The following PRDM2 variants were observed in gnomAD, a reference collection of about 807,000 sequenced individuals.
The protein encoded by PRDM2 is PR domain zinc finger protein 2.
Under a neutral mutation model 130.0 loss-of-function variants are expected in PRDM2, and 30 were observed. That is an observed-to-expected ratio of 0.23 (90% confidence interval 0.17 to 0.31). The LOEUF (loss-of-function observed/expected upper bound fraction) is 0.31, where lower values mean the gene tolerates loss of function less well. PRDM2 is among the 10% of genes least tolerant of loss of function. The pLI, the probability that PRDM2 is intolerant of heterozygous loss-of-function variation, is 1.00. For synonymous variants in PRDM2, 871 were observed against 782.4 expected, an observed-to-expected ratio of 1.11 and a Z score of -1.89; for missense variants, 2,011 against 2,108.4, an observed-to-expected ratio of 0.95 and a Z score of 0.90.
chr1:13,783,082 T>A, intron 8 of PRDM2: 1 of 859,934 alleles, frequency 1.2e-6, no homozygotes, highest in Non-Finnish European at 1.7e-6. Flanking sequence ...AAATTGAATT[T>A]AAAACTATAG....
chr1:13,776,052 T>C (rs956988980), intron 7 of PRDM2, among the ~76,000 whole-genome samples: 2 of 152,176 alleles, frequency 1.3e-5, no homozygotes, highest in African/African-American at 4.8e-5. Context: ...TCTGTCTGCT[T>C]AGTCCTTTCT....
chr1:13,807,298 A>G (rs1645099491), intron 8 of PRDM2, among the ~76,000 whole-genome samples: 1 of 152,252 alleles, frequency 6.6e-6, no homozygotes, highest in South Asian at 2.1e-4. Context: ...CACAGAATAG[A>G]CACACCGTTC....
At chr1:13,822,231 C>G (rs1570145421) in intron 9 of PRDM2, among the ~76,000 whole-genome samples, 1 of 152,046 alleles carries the variant, frequency 6.6e-6, no homozygotes, top group African/African-American at 2.4e-5. Flanking sequence ...CATCCTACGA[C>G]CCAGCATTTC....
chr1:13,761,581 A>G (rs1210996878), intron 6 of PRDM2, among the ~76,000 whole-genome samples: 1 of 152,096 alleles, frequency 6.6e-6, no homozygotes, highest in African/African-American at 2.4e-5. Context: ...ACTTTGTAAT[A>G]ACACAGGAGT....
chr1:13,757,388 G>C (rs1643982461), intron 6 of PRDM2, among the ~76,000 whole-genome samples: 1 of 152,200 alleles, frequency 6.6e-6, no homozygotes, highest in South Asian at 2.1e-4. Flanking sequence ...AAAGAGCACA[G>C]TAAGACATTG....
At chr1:13,767,893 C>G (rs1433677645) in intron 6 of PRDM2, among the ~76,000 whole-genome samples, 1 of 151,964 alleles carries the variant, frequency 6.6e-6, no homozygotes, top group Admixed American at 6.6e-5. Context: ...GAGGGATCAC[C>G]TGAGCCCAGG....
chr1:13,774,339 C>T (rs892672143), intron 7 of PRDM2, among the ~76,000 whole-genome samples: 10 of 152,192 alleles, frequency 6.6e-5, no homozygotes, highest in African/African-American at 1.7e-4. Flanking sequence ...TTTCAGAAGA[C>T]AGGTTTGTGA....
chr1:13,787,100 T>C, intron 8 of PRDM2: 3 of 985,542 alleles, frequency 3.0e-6, no homozygotes, highest in Non-Finnish European at 3.6e-6. Context: ...ATTGCCAGCG[T>C]AATGGAGAGG....
chr1:13,810,493 TTTTC>T (rs964418654), intron 8 of PRDM2, among the ~76,000 whole-genome samples: 1 of 41,298 alleles, frequency 2.4e-5, no homozygotes, highest in African/African-American at 9.9e-5. Context: ...TTCTTTTTTC[TTTTC>T]TTTTTTTTTT....
At chr1:13,709,321 C>G (rs1013952253) in intron 1 of PRDM2, among the ~76,000 whole-genome samples, 1 of 152,096 alleles carries the variant, frequency 6.6e-6, no homozygotes, top group Admixed American at 6.5e-5. Flanking sequence ...AGATTCTAAT[C>G]GTGGAGTCTT....
intron 6 of PRDM2, among the ~76,000 whole-genome samples, chr1:13,761,455 C>T (rs542934667): frequency 3.9e-5 from 6 of 152,192 alleles, no homozygotes; most frequent in Admixed American, 6.5e-5. Context: ...AGAAATGTCC[C>T]GATGATCTGT....
chr1:13,715,426 A>G (rs774938760), intron 1 of PRDM2, 115 bp from the exon 2 acceptor site: 4 of 426,234 alleles, frequency 9.4e-6, no homozygotes, highest in Non-Finnish European at 1.7e-5. Flanking sequence ...TTGATTTGGC[A>G]TAGAGTTGCT....
At chr1:13,767,690 A>G (rs1470349878) in intron 6 of PRDM2, among the ~76,000 whole-genome samples, 2 of 152,138 alleles carry the variant, frequency 1.3e-5, no homozygotes, top group African/African-American at 4.8e-5. Flanking sequence ...AAAGTAAGGT[A>G]TGCTGCTGGA....
intron 8 of PRDM2, chr1:13,787,636 AAAAAT>A (rs1487168018): frequency 2.1e-6 from 2 of 968,438 alleles, no homozygotes; most frequent in Non-Finnish European, 2.5e-6. Context: ...GTAGCAATTT[AAAAAT>A]AAAATATTTA....
chr1:13,708,027 CAA>C (rs1057411508), intron 1 of PRDM2, among the ~76,000 whole-genome samples: 1 of 151,760 alleles, frequency 6.6e-6, no homozygotes, highest in Admixed American at 6.6e-5. Context: ...TAAATTTAAT[CAA>C]AAGTATGAGG....
At chr1:13,778,325 G>C (rs1351322242) in intron 7 of PRDM2, 93 bp from the exon 8 acceptor site, 4 of 1,281,290 alleles carry the variant, frequency 3.1e-6, no homozygotes, top group Non-Finnish European at 4.3e-6. Context: ...GTTTTAGGTG[G>C]TAAGAGAAAT....
At position 13,823,944 on chromosome 1, in the gene PRDM2, G is replaced by C. The variant is rs1036506274; in HGVS notation, c.*809G>C. The C allele has an allele frequency of 6.6e-6, 1 of 152,180 alleles. No individual in the cohort carries two copies. The highest frequency in any genetic ancestry group is 1.5e-5 in the Non-Finnish European group (1 of 68,044). The allele number at this position is 152,180 out of a possible 1,614,324, so 9.4% of individuals were successfully genotyped here. A position where few individuals can be genotyped will look rare whatever the true frequency, so the allele number is the denominator to read the frequency against. On this transcript the variant is annotated 3_prime_UTR_variant, in exon 10 of 10. Coordinates refer to ENST00000311066, the MANE Select transcript of PRDM2 (RefSeq NM_001393986.1). The stretch of plus-strand genomic sequence containing the variant: ...TCCTGCGCCCTTCATTGCCACACTT[G>C]GTGGGACCATGAACATCTTTAGTGT...
At chr1:13,811,597 C>T (rs1482388173) in intron 8 of PRDM2, among the ~76,000 whole-genome samples, 2 of 152,166 alleles carry the variant, frequency 1.3e-5, no homozygotes, top group Admixed American at 6.5e-5. Flanking sequence ...ATTTCCTGTA[C>T]CAGGTCCTGT....
At chr1:13,753,442 G>T (rs1226290976) in intron 6 of PRDM2, among the ~76,000 whole-genome samples, 5 of 152,152 alleles carry the variant, frequency 3.3e-5, no homozygotes, top group African/African-American at 1.2e-4. Context: ...GCTTAGCAAA[G>T]TAATATTTTA....
Sources: gnomAD v4.1 joint callset for allele counts (sites outside exome capture counted in the v4.1 genomes callset) on GRCh38, gnomAD v4.1.1 for gene constraint, MANE v1.5 for transcripts, NCBI Gene and HGNC (gene_info 2026-07-23, HGNC 2026-07-21) for gene names.